The following ZBTB44 variants were observed in gnomAD, a reference collection of about 807,000 sequenced individuals.
The protein encoded by ZBTB44 is zinc finger and BTB domain-containing protein 44.
A neutral mutation model predicts 54.0 loss-of-function variants in ZBTB44; 15 were observed. That is an observed-to-expected ratio of 0.28 (90% CI 0.19 to 0.43). The LOEUF (loss-of-function observed/expected upper bound fraction) is 0.43, where lower values mean the gene tolerates loss of function less well. Ranked by LOEUF, ZBTB44 falls within the 20% of genes least tolerant of loss-of-function variation. The pLI is 1.00. For synonymous variants in ZBTB44, 230 were observed against 250.1 expected, an observed-to-expected ratio of 0.92 and a Z score of 0.76; for missense variants, 487 against 707.1, an observed-to-expected ratio of 0.69 and a Z score of 3.53.
intron 1 of ZBTB44, among the ~76,000 whole-genome samples, chr11:130,312,685 C>T (rs562297041): frequency 1.3e-5 from 2 of 152,322 alleles, no homozygotes; most frequent in East Asian, 3.9e-4. Flanking sequence ...GGATACTCTT[C>T]ATTTTACAAA....
At chr11:130,238,826 G>A in intron 3 of ZBTB44, 1 of 466,424 alleles carries the variant, frequency 2.1e-6, no homozygotes, top group Non-Finnish European at 3.7e-6. Context: ...ACGGAGTTAG[G>A]CAGAAGTCAT....
chr11:130,238,300 A>G (rs539900111), intron 4 of ZBTB44, 144 bp downstream of exon 4: 32 of 1,083,050 alleles, frequency 3.0e-5, no homozygotes, highest in Middle Eastern at 6.1e-4. Context: ...CATTTCAGCA[A>G]TAAACCTTAG....
chr11:130,290,511 C>T (rs890423811), intron 1 of ZBTB44, among the ~76,000 whole-genome samples: 4 of 152,238 alleles, frequency 2.6e-5, no homozygotes, highest in Non-Finnish European at 5.9e-5. Context: ...TTCTCCACTG[C>T]CACTGCCTCT....
At chr11:130,292,406 C>T (rs1941357249) in intron 1 of ZBTB44, among the ~76,000 whole-genome samples, 1 of 152,080 alleles carries the variant, frequency 6.6e-6, no homozygotes, top group African/African-American at 2.4e-5. Context: ...ACAGATTTTG[C>T]TCACCCATGG....
At chr11:130,301,195 G>A (rs760415617) in intron 1 of ZBTB44, among the ~76,000 whole-genome samples, 1 of 152,160 alleles carries the variant, frequency 6.6e-6, no homozygotes, top group Non-Finnish European at 1.5e-5. Flanking sequence ...GAGATGGGGA[G>A]AGGAAAGAAA....
intron 1 of ZBTB44, among the ~76,000 whole-genome samples, chr11:130,298,275 T>C (rs1941778276): frequency 6.6e-6 from 1 of 151,844 alleles, no homozygotes; most frequent in South Asian, 2.1e-4. Flanking sequence ...CCTGAATAGC[T>C]GGGACTACAG....
chr11:130,251,662 T>C (rs1416655982), intron 2 of ZBTB44, among the ~76,000 whole-genome samples: 1 of 152,172 alleles, frequency 6.6e-6, no homozygotes, highest in Non-Finnish European at 1.5e-5. Flanking sequence ...GAATTTCATA[T>C]CCAGACAAAC....
intron 1 of ZBTB44, among the ~76,000 whole-genome samples, chr11:130,288,257 C>T (rs1941089650): frequency 6.6e-6 from 1 of 151,746 alleles, no homozygotes; most frequent in Non-Finnish European, 1.5e-5. Flanking sequence ...ACCTGTAGTC[C>T]CAGCTACTTG....
At chr11:130,249,090 T>C (rs503941) in intron 2 of ZBTB44, among the ~76,000 whole-genome samples, 94,945 of 152,002 alleles carry the variant, frequency 0.62, 31,169 homozygotes, top group Admixed American at 0.72. Context: ...GGTGACAGAG[T>C]GAGACTCAGT....
At chr11:130,290,392 T>C (rs1051924991) in intron 1 of ZBTB44, among the ~76,000 whole-genome samples, 2 of 152,224 alleles carry the variant, frequency 1.3e-5, no homozygotes, top group Non-Finnish European at 2.9e-5. Context: ...GCCATCTAAT[T>C]TGTGATAATT....
chr11:130,300,797 T>C (rs894485642), intron 1 of ZBTB44, among the ~76,000 whole-genome samples: 8 of 152,022 alleles, frequency 5.3e-5, no homozygotes, highest in Admixed American at 3.9e-4. Context: ...AAGATTGCCA[T>C]AGAAAAAGAA....
intron 1 of ZBTB44, among the ~76,000 whole-genome samples, chr11:130,297,495 C>T (rs1166555100): frequency 6.6e-6 from 1 of 152,164 alleles, no homozygotes; most frequent in Non-Finnish European, 1.5e-5. Flanking sequence ...TAAAAAGATA[C>T]GTTGAGGTCC....
intron 2 of ZBTB44, among the ~76,000 whole-genome samples, chr11:130,245,136 G>A (rs1414479502): frequency 7.2e-5 from 11 of 152,144 alleles, no homozygotes; most frequent in Non-Finnish European, 1.5e-5. Context: ...ATTCCCAATT[G>A]CACCCCCATT....
At chr11:130,281,771 T>C (rs960307288) in intron 1 of ZBTB44, among the ~76,000 whole-genome samples, 3 of 151,780 alleles carry the variant, frequency 2.0e-5, no homozygotes, top group Admixed American at 6.6e-5. Flanking sequence ...ATTTTTTGTA[T>C]TTTTAGTAGA....
chr11:130,253,347 G>A lies in ZBTB44; in HGVS notation c.1018+7509C>T, dbSNP rs541426321. On this transcript the variant is annotated intron_variant, in intron 2 of 7. Coordinates refer to ENST00000357899, the MANE Select transcript of ZBTB44 (RefSeq NM_001301098.2). The stretch of plus-strand genomic sequence containing the variant: ...TCGTCTCAGCCCAAAATCTCCTTAA[G>A]CTGATAAGCAACTTCAGCAAAGTCT... Among the ~76,000 whole-genome samples the A allele has an allele frequency of 1.2e-3, 177 of 152,340 alleles. 1 individual carries two copies. Among genetic ancestry groups the A allele is most frequent in the African/African-American group, 4.1e-3 (171 of 41,574 alleles).
At chr11:130,259,590 T>G (rs1215304722) in intron 2 of ZBTB44, among the ~76,000 whole-genome samples, 1 of 152,182 alleles carries the variant, frequency 6.6e-6, no homozygotes, top group Non-Finnish European at 1.5e-5. Context: ...AAAGAAAATG[T>G]GGCACATGTA....
intron 2 of ZBTB44, among the ~76,000 whole-genome samples, chr11:130,240,671 T>C (rs997209677): frequency 1.3e-5 from 2 of 152,220 alleles, no homozygotes; most frequent in African/African-American, 4.8e-5. Flanking sequence ...TCCCCATTCA[T>C]CCTTCCCTGA....
At chr11:130,294,104 A>G (rs999868231) in intron 1 of ZBTB44, among the ~76,000 whole-genome samples, 3 of 152,154 alleles carry the variant, frequency 2.0e-5, no homozygotes, top group African/African-American at 7.2e-5. Context: ...CTCTGGTAAA[A>G]GGATTTTTTA....
rs1021213999 is a variant in ZBTB44, at chr11:130,296,076, T to C, written c.-57+18299A>G. 6.3e-6 allele frequency: 10 copies of C among 1,582,956 alleles called. No homozygotes were observed. In the African/African-American group the frequency reaches 1.1e-4, roughly 17 times the overall value. Reference sequence around the variant, plus strand: ...CTGATCGTATCTTGGATGTTGGGTATGAAGAGGAATTAAAGCAAATTATTA... The same window carrying C: ...CTGATCGTATCTTGGATGTTGGGTACGAAGAGGAATTAAAGCAAATTATTA... On this transcript the variant is annotated intron_variant, in intron 1 of 7. Transcript: ENST00000357899.
Sources: gnomAD v4.1 joint callset for allele counts (sites outside exome capture counted in the v4.1 genomes callset) on GRCh38, gnomAD v4.1.1 for gene constraint, MANE v1.5 for transcripts, NCBI Gene and HGNC (gene_info 2026-07-23, HGNC 2026-07-21) for gene names.